The following SLC4A8 variants were observed in gnomAD, a reference collection of about 807,000 sequenced individuals.
The protein encoded by SLC4A8 is solute carrier family 4 member 8.
In SLC4A8, 40 loss-of-function variants were observed where a neutral mutation model predicts 125.0. The ratio of observed to expected loss-of-function variants is 0.32; its 90% CI spans 0.25 to 0.42. The LOEUF (loss-of-function observed/expected upper bound fraction) is 0.42, where lower values mean the gene tolerates loss of function less well. Among genes scored for constraint, SLC4A8 ranks in the 10% least tolerant of loss-of-function variants. The pLI, the probability that SLC4A8 is intolerant of heterozygous loss-of-function variation, is 1.00. For missense variants in SLC4A8, 863 were observed against 1,355.1 expected (o/e 0.64, Z 5.70); for synonymous variants, 456 against 476.0 (o/e 0.96, Z 0.55).
intron 8 of SLC4A8, 38 bp downstream of exon 8, chr12:51,460,146 A>T: frequency 1.3e-6 from 2 of 1,545,800 alleles, no homozygotes; most frequent in Non-Finnish European, 1.8e-6. Context: ...TCTATCCAAA[A>T]TTCAAATTTA....
intron 2 of SLC4A8, among the ~76,000 whole-genome samples, chr12:51,442,342 G>A (rs562748439): frequency 1.1e-4 from 17 of 152,320 alleles, no homozygotes; most frequent in African/African-American, 3.6e-4. Flanking sequence ...CTGGGGGCAT[G>A]TTGCTGTCAG....
chr12:51,430,090 C>T (rs1949137777), intron 1 of SLC4A8, among the ~76,000 whole-genome samples: 1 of 151,966 alleles, frequency 6.6e-6, no homozygotes, highest in East Asian at 1.9e-4. Flanking sequence ...TGAATTTGGG[C>T]AATTACCAAG....
intron 16 of SLC4A8, among the ~76,000 whole-genome samples, chr12:51,477,962 C>T (rs1432051008): frequency 6.6e-6 from 1 of 152,150 alleles, no homozygotes; most frequent in Admixed American, 6.6e-5. Context: ...AAAACGCTTT[C>T]TCTACTAAAA....
chr12:51,419,507 C>T (rs1295209898), intron 1 of SLC4A8, among the ~76,000 whole-genome samples: 2 of 152,170 alleles, frequency 1.3e-5, no homozygotes, highest in Admixed American at 1.3e-4. Context: ...TGAATGTGTT[C>T]AGCTCTTGTA....
chr12:51,440,124 G>A (rs554672407), intron 1 of SLC4A8, among the ~76,000 whole-genome samples: 7 of 152,264 alleles, frequency 4.6e-5, no homozygotes, highest in Admixed American at 2.0e-4. Context: ...TGGTAAACAG[G>A]CCCAAATGCT....
chr12:51,396,156 C>T lies in SLC4A8; in HGVS notation c.-112+4668C>T, dbSNP rs1948256598. On this transcript the variant is annotated intron_variant, in intron 1 of 24. Transcript: ENST00000358657. ...AGTGCTTAACCCAGCATCTGGTACA[C>T]AATAAGCAGTCAGTTGAAATTTGGA... 2.0e-5 allele frequency among the ~76,000 whole-genome samples: 3 copies of T among 152,222 alleles called. No homozygotes were observed. In the South Asian group the frequency reaches 6.2e-4, roughly 31 times the overall value.
chr12:51,469,844 G>T, intron 12 of SLC4A8, 56 bp downstream of exon 12: 2 of 1,549,134 alleles, frequency 1.3e-6, no homozygotes, highest in South Asian at 1.1e-5. Flanking sequence ...ATATTGTGGC[G>T]GCAGCCAGGT....
intron 1 of SLC4A8, among the ~76,000 whole-genome samples, chr12:51,414,355 T>A (rs771091731): frequency 1.3e-5 from 2 of 152,220 alleles, no homozygotes; most frequent in African/African-American, 2.4e-5. Flanking sequence ...TATAAGTTCA[T>A]GTCATCTGCA....
chr12:51,507,514 C>A lies in SLC4A8; in HGVS notation c.*76C>A. 9.1e-7 allele frequency: 1 copy of A among 1,101,296 alleles called. No homozygotes were observed. The highest frequency in any genetic ancestry group is 1.2e-6 in the Non-Finnish European group (1 of 819,220). The allele number at this position is 1,101,296 out of a possible 1,614,324, so 68.2% of individuals were successfully genotyped here. ...TCTGGTTACAGAGAAAATGGCGAGT[C>A]TCTCAGAGAAGAAGCAAGACCAAGT... On this transcript the variant is annotated 3_prime_UTR_variant, in exon 25 of 25. Coordinates refer to ENST00000453097, the MANE Select transcript of SLC4A8 (RefSeq NM_001039960.3).
At chr12:51,434,088 TG>T (rs1424205686) in intron 1 of SLC4A8, among the ~76,000 whole-genome samples, 3 of 152,086 alleles carry the variant, frequency 2.0e-5, no homozygotes, top group Non-Finnish European at 4.4e-5. Context: ...TTGCCCAGGC[TG>T]GTCTCGAACT....
intron 16 of SLC4A8, among the ~76,000 whole-genome samples, chr12:51,478,781 G>A (rs763172628): frequency 2.2e-4 from 34 of 152,238 alleles, no homozygotes; most frequent in African/African-American, 6.3e-4. Context: ...GGATTAGGAT[G>A]TGGTGAATTG....
Position 51,498,060 on chromosome 12 carries a change from A to T in SLC4A8, c.3081+936A>T, listed in dbSNP as rs114625214. On this transcript the variant is annotated intron_variant, in intron 22 of 24. Coordinates refer to ENST00000453097, the MANE Select transcript of SLC4A8 (RefSeq NM_001039960.3). ...GAGATCCTATCTCAAGAAAAAAAAAAAAGATGACTTTTTTTTCCCCTAATA... is the reference window on the plus strand; with the variant it reads ...GAGATCCTATCTCAAGAAAAAAAAATAAGATGACTTTTTTTTCCCCTAATA... 9.1e-3 allele frequency among the ~76,000 whole-genome samples: 1,387 copies of T among 151,956 alleles called. 19 individuals are homozygous for T. Among genetic ancestry groups the T allele is most frequent in the African/African-American group, 0.031 (1,290 of 41,460 alleles).
At chr12:51,432,764 A>G (rs73311674) in intron 1 of SLC4A8, among the ~76,000 whole-genome samples, 1 of 152,256 alleles carries the variant, frequency 6.6e-6, no homozygotes, top group African/African-American at 2.4e-5. Context: ...TCATCTCTAT[A>G]TTTATTGATT....
At chr12:51,458,243 A>G (rs760150313) in intron 6 of SLC4A8, among the ~76,000 whole-genome samples, 2 of 152,140 alleles carry the variant, frequency 1.3e-5, no homozygotes, top group Non-Finnish European at 2.9e-5. Flanking sequence ...CTGGGAATCT[A>G]TATTTTTGAA....
chr12:51,421,890 C>T (rs1235584279), upstream of SLC4A8: 3 of 152,192 alleles, frequency 2.0e-5, no homozygotes, highest in Non-Finnish European at 4.4e-5. Context: ...TCTCCCTATC[C>T]CATGCCAGTT....
At chr12:51,496,840 G>T in intron 21 of SLC4A8, 147 bp from the exon 22 acceptor site, 1 of 716,094 alleles carries the variant, frequency 1.4e-6, no homozygotes, top group South Asian at 1.9e-5. Flanking sequence ...CACAAAGAAA[G>T]CATTCAATAA....
chr12:51,494,093 G>T (rs1388795115), intron 20 of SLC4A8, among the ~76,000 whole-genome samples: 1 of 152,164 alleles, frequency 6.6e-6, no homozygotes, highest in Non-Finnish European at 1.5e-5. Flanking sequence ...GGATCTGAAA[G>T]GTTGATCAAG....
chr12:51,505,943 G>A lies in SLC4A8; in HGVS notation c.3269+13G>A, dbSNP rs746716575. 2 of 1,184,764 alleles carry A rather than the reference G, an allele frequency of 1.7e-6. No homozygotes were observed. The highest frequency in any genetic ancestry group is 1.3e-5 in the South Asian group (1 of 76,992). 73.4% of individuals were successfully genotyped at this position (1,184,764 alleles called of 1,614,324 possible). ...CAAAGGAAAAGAGGTAAAGAGAACTGTAACATCTGGTTTTTATTTATTTCT... is the reference window on the plus strand; with the variant it reads ...CAAAGGAAAAGAGGTAAAGAGAACTATAACATCTGGTTTTTATTTATTTCT... On this transcript the variant is annotated intron_variant, in intron 24 of 24. Coordinates refer to ENST00000453097, the MANE Select transcript of SLC4A8 (RefSeq NM_001039960.3).
intron 15 of SLC4A8, 65 bp from the exon 16 acceptor site, chr12:51,474,980 A>G: frequency 1.4e-6 from 2 of 1,410,884 alleles, no homozygotes; most frequent in South Asian, 1.3e-5. Flanking sequence ...TGGTGGACTC[A>G]GTAGGAAACA....
Sources: allele counts gnomAD v4.1 joint callset (sites outside exome capture counted in the v4.1 genomes callset), GRCh38; gene constraint gnomAD v4.1.1; transcripts MANE v1.5; gene names NCBI Gene and HGNC (gene_info 2026-07-23, HGNC 2026-07-21).